Variants in PFKP observed in about 807,000 individuals in gnomAD.
PFKP encodes the protein ATP-dependent 6-phosphofructokinase, platelet type.
PFKP carries 101 observed loss-of-function variants against 94.3 expected under a neutral mutation model. The observed-to-expected ratio is 1.07, with a 90% confidence interval of 0.91 to 1.26. The LOEUF is 1.26. Among genes scored for constraint, PFKP ranks in the 50% most tolerant of loss-of-function variants. The pLI, the probability that PFKP is intolerant of heterozygous loss-of-function variation, is 0.00. For missense variants in PFKP, 1,145 were observed against 1,103.3 expected (o/e 1.04, Z -0.53); for synonymous variants, 573 against 432.6 (o/e 1.32, Z -4.03).
At chr10:3,069,750 C>T (rs1340352023) in intron 1 of PFKP, among the ~76,000 whole-genome samples, 2 of 152,128 alleles carry the variant, frequency 1.3e-5, no homozygotes, top group African/African-American at 4.8e-5. Flanking sequence ...AATTAAGATA[C>T]TGCATGTATT....
At chr10:3,130,582 G>C (rs1198654074) in intron 17 of PFKP, among the ~76,000 whole-genome samples, 1 of 152,188 alleles carries the variant, frequency 6.6e-6, no homozygotes, top group Non-Finnish European at 1.5e-5. Context: ...TTTATTTAGA[G>C]AGGGAGTCTT....
At chr10:3,115,692 C>T (rs529322295) in intron 13 of PFKP, among the ~76,000 whole-genome samples, 6 of 152,318 alleles carry the variant, frequency 3.9e-5, no homozygotes, top group East Asian at 3.9e-4. Flanking sequence ...GAATCTTCAG[C>T]GTCTCCACGT....
In PFKP at chr10:3,076,737, G is replaced by A. The variant is rs76072969; in HGVS notation, c.113-5651G>A. ...GAGCCCAGCAGAGGTGGCACTTGGG[G>A]CACCCGAGCTGGACAGTGGGTTGGT... On this transcript the variant is annotated intron_variant, in intron 1 of 21. Transcript: ENST00000381125. Among the ~76,000 whole-genome samples the A allele has an allele frequency of 2.4e-3, 362 of 152,274 alleles. 3 individuals are homozygous for A. Among genetic ancestry groups the A allele is most frequent in the African/African-American group, 8.3e-3 (343 of 41,552 alleles).
At chr10:3,103,675 G>T in intron 4 of PFKP, 104 bp from the exon 5 acceptor site, 1 of 1,083,818 alleles carries the variant, frequency 9.2e-7, no homozygotes, top group Non-Finnish European at 1.4e-6. Context: ...AGTTTAGAAT[G>T]GTTGATTTCT....
intron 2 of PFKP, among the ~76,000 whole-genome samples, chr10:3,084,568 T>C (rs1833339159): frequency 6.6e-6 from 1 of 152,054 alleles, no homozygotes; most frequent in African/African-American, 2.4e-5. Flanking sequence ...TTTTTATCAT[T>C]TTATATTTGG....
chr10:3,133,958 C>G (rs914368816), intron 19 of PFKP, among the ~76,000 whole-genome samples: 14 of 152,174 alleles, frequency 9.2e-5, no homozygotes, highest in African/African-American at 3.1e-4. Flanking sequence ...CTTGACACCC[C>G]AAGTCAGAAT....
At chr10:3,104,013 C>A in intron 5 of PFKP, 69 bp downstream of exon 5, 2 of 1,456,024 alleles carry the variant, frequency 1.4e-6, no homozygotes, top group East Asian at 2.4e-5. Flanking sequence ...GACGTTACCA[C>A]GGGCTCTAGA....
At position 3,135,973 on chromosome 10, in the gene PFKP, T is replaced by A. The variant is rs1263846208; in HGVS notation, c.2225+135T>A. On this transcript the variant is annotated intron_variant, in intron 21 of 21. Transcript: ENST00000381125. ...CTTTTCTGAAGCTCAGTTAAAAAAATACTAGGTCTTGGCTGGGCGCGGTGG... is the reference window on the plus strand; with the variant it reads ...CTTTTCTGAAGCTCAGTTAAAAAAAAACTAGGTCTTGGCTGGGCGCGGTGG... 5 of 633,896 alleles carry A rather than the reference T, an allele frequency of 7.9e-6. No homozygotes were observed. In the African/African-American group the frequency reaches 9.3e-5, roughly 12 times the overall value. 39.3% of individuals were successfully genotyped at this position (633,896 alleles called of 1,614,324 possible).
chr10:3,069,539 G>A, intron 1 of PFKP: 1 of 670,940 alleles, frequency 1.5e-6, no homozygotes, highest in Non-Finnish European at 2.4e-6. Context: ...CTGATCTCTG[G>A]AAGCCACCAG....
chr10:3,117,517 T>G (rs1358917259), intron 14 of PFKP, among the ~76,000 whole-genome samples: 1 of 152,212 alleles, frequency 6.6e-6, no homozygotes, highest in Non-Finnish European at 1.5e-5. Context: ...TCCATGTAAT[T>G]CCGGCTTATT....
intron 19 of PFKP, 23 bp from the exon 20 acceptor site, chr10:3,134,460 C>CT (rs1362558575): frequency 7.3e-6 from 10 of 1,369,964 alleles, no homozygotes; most frequent in South Asian, 1.2e-5. Flanking sequence ...ACTGGTATTT[C>CT]ATATAACTCT....
chr10:3,096,981 G>A lies in PFKP; in HGVS notation c.187-2294G>A, dbSNP rs1316369367. On this transcript the variant is annotated intron_variant, in intron 2 of 21. Transcript: ENST00000381125. The stretch of plus-strand genomic sequence containing the variant: ...TAGTCCCAGCTACTAAGGAGGCTGA[G>A]GTGGGAGAATGGCAGGAACCCGGGA... Among the ~76,000 whole-genome samples, 2 of 121,142 alleles carry A rather than the reference G, an allele frequency of 1.7e-5. 1 individual carries two copies. The highest frequency in any genetic ancestry group is 4.6e-4 in the East Asian group (2 of 4,390). 79.5% of individuals were successfully genotyped at this position (121,142 alleles called of 152,430 possible).
intron 11 of PFKP, 76 bp from the exon 12 acceptor site, chr10:3,113,043 C>T: frequency 1.5e-6 from 2 of 1,324,746 alleles, no homozygotes; most frequent in Non-Finnish European, 2.1e-6. Context: ...GGCAGATAAG[C>T]CACCTTTTCT....
At chr10:3,071,035 G>A (rs1394472667) in intron 1 of PFKP, among the ~76,000 whole-genome samples, 1 of 152,044 alleles carries the variant, frequency 6.6e-6, no homozygotes, top group East Asian at 1.9e-4. Flanking sequence ...ACAGACATGA[G>A]CCATTGTGTC....
intron 8 of PFKP, chr10:3,108,116 AT>A: frequency 2.3e-6 from 2 of 877,886 alleles, no homozygotes; most frequent in South Asian, 3.0e-5. Context: ...CAAAGATTTT[AT>A]TTCCCGCTTA....
intron 2 of PFKP, among the ~76,000 whole-genome samples, chr10:3,092,754 C>A (rs1308075780): frequency 3.3e-5 from 5 of 152,178 alleles, no homozygotes; most frequent in Non-Finnish European, 4.4e-5. Flanking sequence ...GGAAATATTT[C>A]TTTTGGGTTA....
At chr10:3,111,317 T>C (rs1244072287) in intron 10 of PFKP, among the ~76,000 whole-genome samples, 3 of 152,092 alleles carry the variant, frequency 2.0e-5, no homozygotes, top group African/African-American at 7.2e-5. Context: ...TATGTGCATA[T>C]GTGTGTATGT....
intron 2 of PFKP, among the ~76,000 whole-genome samples, chr10:3,089,020 C>G (rs982291830): frequency 2.0e-5 from 3 of 152,186 alleles, no homozygotes; most frequent in African/African-American, 7.2e-5. Context: ...CAACCTCTGC[C>G]TCCCGGGTTC....
At chr10:3,111,428 C>T (rs531275858) in intron 10 of PFKP, among the ~76,000 whole-genome samples, 5 of 152,160 alleles carry the variant, frequency 3.3e-5, no homozygotes, top group South Asian at 4.1e-4. Flanking sequence ...ACATGCGGTA[C>T]GTGTATTTTG....
Sources: allele counts gnomAD v4.1 joint callset (sites outside exome capture counted in the v4.1 genomes callset), GRCh38; gene constraint gnomAD v4.1.1; transcripts MANE v1.5; gene names NCBI Gene and HGNC (gene_info 2026-07-23, HGNC 2026-07-21).